The following KCNH1 variants were observed in gnomAD, a reference collection of about 807,000 sequenced individuals.
KCNH1 encodes the protein potassium voltage-gated channel subfamily H member 1.
In KCNH1, 27 loss-of-function variants were observed where a neutral mutation model predicts 69.2. The ratio of observed to expected loss-of-function variants is 0.39; its 90% CI spans 0.29 to 0.54. The LOEUF (loss-of-function observed/expected upper bound fraction) is 0.54, where lower values mean the gene tolerates loss of function less well. KCNH1 is among the 20% of genes least tolerant of loss of function. The probability of loss-of-function intolerance (pLI) is 0.68; values close to 1 mark genes in which losing one functional copy is unlikely to be tolerated. For synonymous variants in KCNH1, 456 were observed against 487.7 expected (o/e 0.93, Z 0.86); for missense variants, 798 against 1,261.6 (o/e 0.63, Z 5.57).
intron 5 of KCNH1, among the ~76,000 whole-genome samples, chr1:211,054,897 G>A (rs1199341427): frequency 6.6e-6 from 1 of 152,012 alleles, no homozygotes; most frequent in African/African-American, 2.4e-5. Context: ...TGGAGGGGGA[G>A]AAAGCAGATA....
In KCNH1 at chr1:210,799,108, T is replaced by TAA. The variant is rs35131865; in HGVS notation, c.1663-1350_1663-1349dup. Reference sequence around the variant, plus strand: ...AGTGGTAAGTGCTTAAAGAAAACAATAAAAAAAAAAGGAAAGAAGGATAGG... The same window carrying TAA: ...AGTGGTAAGTGCTTAAAGAAAACAATAAAAAAAAAAAAGGAAAGAAGGATAGG... On this transcript the variant is annotated intron_variant, in intron 8 of 10. Coordinates refer to ENST00000271751, the MANE Select transcript of KCNH1 (RefSeq NM_172362.3). Among the ~76,000 whole-genome samples the TAA allele has an allele frequency of 1.9e-4, 28 of 144,504 alleles. 1 individual carries two copies. In the South Asian group the frequency reaches 5.8e-3, roughly 30 times the overall value. 94.8% of individuals were successfully genotyped at this position (144,504 alleles called of 152,430 possible). A position where few individuals can be genotyped will look rare whatever the true frequency, so the allele number is the denominator to read the frequency against.
intron 5 of KCNH1, among the ~76,000 whole-genome samples, chr1:211,049,602 G>C (rs569099000): frequency 5.8e-4 from 88 of 152,182 alleles, no homozygotes; most frequent in Non-Finnish European, 1.2e-3. Flanking sequence ...GAACTTTTAA[G>C]TAAGATAGTT....
intron 5 of KCNH1, among the ~76,000 whole-genome samples, chr1:211,035,795 A>G (rs968752825): frequency 3.9e-5 from 6 of 152,224 alleles, no homozygotes; most frequent in African/African-American, 1.2e-4. Context: ...CCTGACCAAA[A>G]GAGTATTTCA....
At chr1:211,078,689 T>G (rs917997250) in intron 5 of KCNH1, among the ~76,000 whole-genome samples, 1 of 152,032 alleles carries the variant, frequency 6.6e-6, no homozygotes, top group African/African-American at 2.4e-5. Flanking sequence ...ATTGACATCC[T>G]AACATCACAA....
intron 6 of KCNH1, among the ~76,000 whole-genome samples, chr1:210,953,266 C>T (rs894235466): frequency 6.6e-6 from 1 of 152,166 alleles, no homozygotes; most frequent in Admixed American, 6.5e-5. Context: ...CAGGCACAGA[C>T]CATTTTCTGG....
intron 10 of KCNH1, among the ~76,000 whole-genome samples, chr1:210,736,245 AT>A (rs921276551): frequency 1.4e-4 from 22 of 152,152 alleles, no homozygotes; most frequent in Middle Eastern, 3.4e-3. Context: ...AAAACTTTAG[AT>A]TTTTTTAAAT....
At position 211,128,407 on chromosome 1, in the gene KCNH1, G is replaced by A. The variant is rs184401275; in HGVS notation, c.79+5460C>T. Reference sequence around the variant, plus strand: ...CTCATGCATATAAAGCTCCAAAACAGATAAAAATAAACAGTAGTATTTATT... The same window carrying A: ...CTCATGCATATAAAGCTCCAAAACAAATAAAAATAAACAGTAGTATTTATT... On this transcript the variant is annotated intron_variant, in intron 1 of 10. Coordinates refer to ENST00000271751, the MANE Select transcript of KCNH1 (RefSeq NM_172362.3). Among the ~76,000 whole-genome samples, 231 of 151,868 alleles carry A rather than the reference G, an allele frequency of 1.5e-3. 1 individual carries two copies. Among genetic ancestry groups the A allele is most frequent in the African/African-American group, 5.0e-3 (205 of 41,400 alleles).
intron 7 of KCNH1, among the ~76,000 whole-genome samples, chr1:210,871,690 G>A (rs1686251333): frequency 2.0e-5 from 3 of 151,716 alleles, no homozygotes; most frequent in Non-Finnish European, 4.4e-5. Flanking sequence ...AAGAAAATGT[G>A]GCACATATAC....
intron 6 of KCNH1, among the ~76,000 whole-genome samples, chr1:210,975,985 T>A (rs577718394): frequency 6.6e-6 from 1 of 152,026 alleles, no homozygotes; most frequent in African/African-American, 2.4e-5. Context: ...ATGCAGCCAA[T>A]ACACACATGA....
intron 6 of KCNH1, among the ~76,000 whole-genome samples, chr1:210,984,917 A>C (rs904240537): frequency 6.6e-6 from 1 of 152,006 alleles, no homozygotes; most frequent in African/African-American, 2.4e-5. Flanking sequence ...CTGGTCGTGG[A>C]CTTTTTTTGG....
intron 7 of KCNH1, among the ~76,000 whole-genome samples, chr1:210,892,082 A>C (rs1030546894): frequency 2.0e-5 from 3 of 152,112 alleles, no homozygotes; most frequent in African/African-American, 7.2e-5. Flanking sequence ...GGGCTAAGGG[A>C]GGGATAGCAT....
At chr1:210,983,763 T>C (rs1490769821) in intron 6 of KCNH1, among the ~76,000 whole-genome samples, 1 of 152,196 alleles carries the variant, frequency 6.6e-6, no homozygotes, top group Non-Finnish European at 1.5e-5. Context: ...GGGCTCTTTT[T>C]TGGTTCCATA....
At chr1:210,726,818 G>A (rs540759008) in intron 10 of KCNH1, among the ~76,000 whole-genome samples, 2,218 of 151,940 alleles carry the variant, frequency 0.015, 52 homozygotes, top group African/African-American at 0.051. Flanking sequence ...GGCGGGGGTG[G>A]GGTGGACTAC....
intron 5 of KCNH1, among the ~76,000 whole-genome samples, chr1:211,056,604 G>A (rs1409136460): frequency 6.6e-6 from 1 of 152,212 alleles, no homozygotes; most frequent in Non-Finnish European, 1.5e-5. Flanking sequence ...TGTTGTGCTG[G>A]CTTGGGGTCT....
intron 5 of KCNH1, chr1:211,063,794 A>G (rs957008941): frequency 3.3e-5 from 5 of 152,066 alleles, no homozygotes; most frequent in African/African-American, 9.7e-5. Context: ...ACAGTTAGAT[A>G]GGAAGAATAG....
chr1:210,775,614 C>G (rs986098872), intron 9 of KCNH1, 70 bp from the exon 10 acceptor site: 2 of 1,201,534 alleles, frequency 1.7e-6, no homozygotes, highest in South Asian at 1.4e-5. Flanking sequence ...TGGCTTCCCT[C>G]TATTCCCCAG....
intron 4 of KCNH1, among the ~76,000 whole-genome samples, chr1:211,086,670 G>T (rs1483712312): frequency 6.6e-6 from 1 of 152,098 alleles, no homozygotes; most frequent in African/African-American, 2.4e-5. Flanking sequence ...ACTCCACAAT[G>T]GCTGGTGGGT....
At chr1:210,950,157 C>T (rs961833197) in intron 6 of KCNH1, among the ~76,000 whole-genome samples, 1 of 152,106 alleles carries the variant, frequency 6.6e-6, no homozygotes, top group Non-Finnish European at 1.5e-5. Flanking sequence ...AGTGCCCAGG[C>T]AGGGGAGGGC....
intron 9 of KCNH1, 148 bp downstream of exon 9, chr1:210,797,360 C>T (rs1250598537): frequency 2.3e-6 from 2 of 872,308 alleles, no homozygotes; most frequent in Non-Finnish European, 3.6e-6. Context: ...AGGCTCTCGC[C>T]GTTTGATTGT....
Sources: allele counts gnomAD v4.1 joint callset (sites outside exome capture counted in the v4.1 genomes callset), GRCh38; gene constraint gnomAD v4.1.1; transcripts MANE v1.5; gene names NCBI Gene and HGNC (gene_info 2026-07-23, HGNC 2026-07-21).